SLC39A8: variants seen among roughly 807,000 people sequenced by gnomAD.
The protein encoded by SLC39A8 is solute carrier family 39 member 8, also known as metal cation symporter ZIP8.
In SLC39A8, 15 loss-of-function variants were observed where a neutral mutation model predicts 40.4. The observed-to-expected ratio is 0.37, with a 90% CI of 0.25 to 0.57. The LOEUF (loss-of-function observed/expected upper bound fraction) is 0.57, where lower values mean the gene tolerates loss of function less well. Ranked by LOEUF, SLC39A8 falls within the 20% of genes least tolerant of loss-of-function variation. The pLI is 0.75. For missense variants in SLC39A8, 472 were observed against 558.8 expected (o/e 0.84, Z 1.57); for synonymous variants, 223 against 221.6 (o/e 1.01, Z -0.06).
At chr4:102,280,422 T>C (rs935788882) in intron 6 of SLC39A8, among the ~76,000 whole-genome samples, 1 of 152,204 alleles carries the variant, frequency 6.6e-6, no homozygotes, top group African/African-American at 2.4e-5. Flanking sequence ...GAACTATATA[T>C]ACTGTTAAAT....
chr4:102,330,124 A>T (rs1476866491), intron 2 of SLC39A8, among the ~76,000 whole-genome samples: 1 of 152,220 alleles, frequency 6.6e-6, no homozygotes, highest in African/African-American at 2.4e-5. Context: ...GAGAAGCAAG[A>T]GCAAACAAAT....
rs562027684 is a variant in SLC39A8 at position 102,337,924 on chromosome 4, C to T, written c.219+6520G>A. 2.6e-5 allele frequency among the ~76,000 whole-genome samples: 4 copies of T among 152,214 alleles called. No homozygotes were observed. The East Asian group carries it at 7.7e-4, about 29-fold the overall frequency. ...AATTCATGTAATTCACATGAAAATTCATCACATTTGGTATAAGCAAGAGTT... is the reference window on the plus strand; with the variant it reads ...AATTCATGTAATTCACATGAAAATTTATCACATTTGGTATAAGCAAGAGTT... On this transcript the variant is annotated intron_variant, in intron 2 of 8. Transcript: ENST00000356736.
At position 102,307,527 on chromosome 4, in the gene SLC39A8, T is replaced by C; in HGVS notation, c.461A>G (p.Lys154Arg). The C allele has an allele frequency of 6.2e-7, 1 of 1,613,518 alleles. No individual in the cohort carries two copies. The highest frequency in any genetic ancestry group is 8.5e-7 in the Non-Finnish European group (1 of 1,179,626). Residue 154 changes from lysine (K) to arginine (R), a missense_variant, in exon 4 of 9, where the codon AAG becomes AGG. Coordinates refer to ENST00000356736, the MANE Select transcript of SLC39A8 (RefSeq NM_001135146.2). ...LLGLILTPLIKKSYFPKILTF... is the reference protein window; with the variant it reads ...LLGLILTPLIRKSYFPKILTF... Reference sequence around the variant, plus strand: ...CAAAATCTTTGGGAAATAAGATTTCTTTATCAGTGGAGTCAAAATCAATCC... The same window carrying C: ...CAAAATCTTTGGGAAATAAGATTTCCTTATCAGTGGAGTCAAAATCAATCC...
downstream of SLC39A8, among the ~76,000 whole-genome samples, chr4:102,257,895 G>A (rs1207231452): frequency 6.6e-6 from 1 of 152,160 alleles, no homozygotes; most frequent in Non-Finnish European, 1.5e-5. Flanking sequence ...TCAGTAGAGG[G>A]CGCTGGAGGG....
At chr4:102,283,571 T>C (rs1733003636) in intron 6 of SLC39A8, among the ~76,000 whole-genome samples, 2 of 136,610 alleles carry the variant, frequency 1.5e-5, no homozygotes, top group South Asian at 4.9e-4. Context: ...AAATAATACT[T>C]CCAATTGTTG....
At chr4:102,335,065 C>G (rs1209143269) in intron 2 of SLC39A8, among the ~76,000 whole-genome samples, 1 of 152,188 alleles carries the variant, frequency 6.6e-6, no homozygotes, top group African/African-American at 2.4e-5. Flanking sequence ...CATCCCAAGA[C>G]TAGAGACAGA....
chr4:102,288,391 T>A lies in SLC39A8; in HGVS notation c.840+15926A>T, dbSNP rs1457678246. 2.6e-5 allele frequency among the ~76,000 whole-genome samples: 4 copies of A among 152,086 alleles called. No individual in the cohort carries two copies. The East Asian group carries it at 7.7e-4, about 29-fold the overall frequency. On this transcript the variant is annotated intron_variant, in intron 6 of 8. Coordinates refer to ENST00000356736, the MANE Select transcript of SLC39A8 (RefSeq NM_001135146.2). The stretch of plus-strand genomic sequence containing the variant: ...CCAGCCATTCCCCCAATTTCCTCCC[T>A]TCTGTAGGGCCTCTCTATTCCCTGA...
chr4:102,270,542 G>A (rs1350846208), intron 6 of SLC39A8, among the ~76,000 whole-genome samples: 1 of 151,882 alleles, frequency 6.6e-6, no homozygotes, highest in Non-Finnish European at 1.5e-5. Context: ...TTAAATTTTT[G>A]TTTTCTATTG....
At chr4:102,338,408 G>C (rs1320158715) in intron 2 of SLC39A8, among the ~76,000 whole-genome samples, 1 of 151,874 alleles carries the variant, frequency 6.6e-6, no homozygotes, top group Non-Finnish European at 1.5e-5. Context: ...GGATGGTCTC[G>C]ATCTCCTGAC....
intron 6 of SLC39A8, among the ~76,000 whole-genome samples, chr4:102,277,865 G>C (rs560577459): frequency 6.6e-6 from 1 of 152,208 alleles, no homozygotes; most frequent in East Asian, 1.9e-4. Context: ...CAACAAACCT[G>C]ACAAAAACAA....
intron 6 of SLC39A8, among the ~76,000 whole-genome samples, chr4:102,291,331 A>ACG (rs1382946187): frequency 6.6e-5 from 10 of 151,794 alleles, no homozygotes; most frequent in Admixed American, 1.3e-4. Context: ...CAGCACACAC[A>ACG]CACACACCAC....
rs566952832 is a variant in SLC39A8, at chr4:102,329,092, T to C, written c.220-13262A>G. Among the ~76,000 whole-genome samples, 8 of 151,094 alleles carry C rather than the reference T, an allele frequency of 5.3e-5. No individual in the cohort carries two copies. The South Asian group carries it at 1.5e-3, about 28-fold the overall frequency. On this transcript the variant is annotated intron_variant, in intron 2 of 8. Transcript: ENST00000356736. ...CTGGTAAGTGTGGAGGTAGGCTCCA[T>C]GAATTTGGAGAAGACAGAGGTATTA...
Position 102,262,783 on chromosome 4 carries a change from T to C in SLC39A8, c.*261A>G. 1 of 1,187,192 alleles carries C rather than the reference T, an allele frequency of 8.4e-7. No individual in the cohort carries two copies. The highest frequency in any genetic ancestry group is 1.0e-6 in the Non-Finnish European group (1 of 955,952). The allele number at this position is 1,187,192 out of a possible 1,614,324, so 73.5% of individuals were successfully genotyped here. A position where few individuals can be genotyped will look rare whatever the true frequency, so the allele number is the denominator to read the frequency against. ...TCTTGCTTCATGGTGATATCTAATATGCATGGAATACTGAAAAATAGGTAT... is the reference window on the plus strand; with the variant it reads ...TCTTGCTTCATGGTGATATCTAATACGCATGGAATACTGAAAAATAGGTAT... On this transcript the variant is annotated 3_prime_UTR_variant, in exon 9 of 9. Coordinates refer to ENST00000356736, the MANE Select transcript of SLC39A8 (RefSeq NM_001135146.2).
intron 6 of SLC39A8, among the ~76,000 whole-genome samples, chr4:102,282,947 C>T (rs1241401067): frequency 6.6e-6 from 1 of 152,072 alleles, no homozygotes; most frequent in African/African-American, 2.4e-5. Flanking sequence ...GGGATGGTCT[C>T]GATCTCTTGA....
At chr4:102,302,633 A>G (rs1304922431) in intron 6 of SLC39A8, among the ~76,000 whole-genome samples, 1 of 151,988 alleles carries the variant, frequency 6.6e-6, no homozygotes, top group Non-Finnish European at 1.5e-5. Flanking sequence ...ATAAGAACAC[A>G]GGCTTCGGTA....
rs373793832 is a variant in SLC39A8 at position 102,315,665 on chromosome 4, T to C, written c.382+3A>G. Reference sequence around the variant, plus strand: ...TAAAAGAGAAAAAATGCTTCTAATATACCTTCTGAATGACTTGGTCTTGTT... The same window carrying C: ...TAAAAGAGAAAAAATGCTTCTAATACACCTTCTGAATGACTTGGTCTTGTT... On this transcript the variant is annotated splice_donor_region_variant and intron_variant, in intron 3 of 8. Coordinates refer to ENST00000356736, the MANE Select transcript of SLC39A8 (RefSeq NM_001135146.2). 1.9e-6 allele frequency: 3 copies of C among 1,599,882 alleles called. No homozygotes were observed. The highest frequency in any genetic ancestry group is 2.6e-6 in the Non-Finnish European group (3 of 1,174,130).
In SLC39A8 at chr4:102,262,341, T is replaced by C. The variant is rs2149000900; in HGVS notation, c.*703A>G. On this transcript the variant is annotated 3_prime_UTR_variant, in exon 9 of 9. Transcript: ENST00000356736. ...CCACAACATAAGTCAGAAAAAAAGC[T>C]ATCCAGCTTTTCGTGGAATCTGGTG... 1.0e-6 allele frequency: 1 copy of C among 985,568 alleles called. No homozygotes were observed. 61.1% of individuals were successfully genotyped at this position (985,568 alleles called of 1,614,324 possible).
exon 12 of SLC39A8, chr4:102,251,445 C>T (rs1025741831): frequency 6.6e-6 from 1 of 152,168 alleles, no homozygotes; most frequent in Non-Finnish European, 1.5e-5. Context: ...ATTTCCCAGG[C>T]CTGGTGGTCT....
At chr4:102,269,385 C>T (rs1314847134) in intron 6 of SLC39A8, among the ~76,000 whole-genome samples, 1 of 152,174 alleles carries the variant, frequency 6.6e-6, no homozygotes, top group Admixed American at 6.6e-5. Context: ...CAGATAAAAG[C>T]ATTTGGAGCA....
Sources: allele counts gnomAD v4.1 joint callset (sites outside exome capture counted in the v4.1 genomes callset), GRCh38; gene constraint gnomAD v4.1.1; transcripts MANE v1.5; gene names NCBI Gene and HGNC (gene_info 2026-07-23, HGNC 2026-07-21).